Variants in RNF216 observed in about 807,000 individuals in gnomAD.
RNF216 encodes the protein ring finger protein 216.
RNF216 carries 72 observed loss-of-function variants against 110.8 expected under a neutral mutation model. The ratio of observed to expected loss-of-function variants is 0.65; its 90% CI spans 0.54 to 0.79. The LOEUF (loss-of-function observed/expected upper bound fraction) is 0.79, where lower values mean the gene tolerates loss of function less well. RNF216 is among the 30% of genes least tolerant of loss of function. The pLI is 0.00. For missense variants in RNF216, 1,342 were observed against 1,141.2 expected (o/e 1.18, Z -2.54); for synonymous variants, 495 against 407.5 (o/e 1.21, Z -2.59).
intron 1 of RNF216, among the ~76,000 whole-genome samples, chr7:5,762,764 C>G (rs1296109549): frequency 6.6e-6 from 1 of 152,004 alleles, no homozygotes; most frequent in Non-Finnish European, 1.5e-5. Context: ...AACTTCAGGA[C>G]AGTGACTATT....
rs113623972 is a variant in RNF216 at position 5,676,258 on chromosome 7, C to T, written c.2062-23748G>A. ...AACTCCTGGTCTCAAGTGATCGGCC[C>T]GCCTTGGCCTCCCAAAGTGGGAGGC... is the stretch of plus-strand genomic sequence containing the variant. On this transcript the variant is annotated intron_variant, in intron 13 of 16. Coordinates refer to ENST00000389902, the MANE Select transcript of RNF216 (RefSeq NM_207111.4). Among the ~76,000 whole-genome samples the T allele has an allele frequency of 5.9e-3, 896 of 152,190 alleles. 12 individuals are homozygous for T. Among genetic ancestry groups the T allele is most frequent in the African/African-American group, 0.02 (848 of 41,504 alleles).
chr7:5,711,902 C>A, intron 12 of RNF216, 63 bp from the exon 13 acceptor site: 1 of 1,425,976 alleles, frequency 7.0e-7, no homozygotes, highest in South Asian at 1.2e-5. Context: ...GGTTCCAGCT[C>A]CATGTGGCTG....
At chr7:5,732,768 A>G (rs1794167278) in intron 5 of RNF216, among the ~76,000 whole-genome samples, 2 of 152,216 alleles carry the variant, frequency 1.3e-5, no homozygotes, top group African/African-American at 4.8e-5. Context: ...AGCCTGTCGG[A>G]CTTCAATCTG....
chr7:5,753,472 T>C (rs981169028), intron 2 of RNF216, among the ~76,000 whole-genome samples: 1 of 152,240 alleles, frequency 6.6e-6, no homozygotes, highest in Non-Finnish European at 1.5e-5. Flanking sequence ...GTCAATGCTT[T>C]AGTCAAGCAC....
At position 5,632,651 on chromosome 7, in the gene RNF216, C is replaced by G. The variant is rs902014380; in HGVS notation, c.2382+8503G>C. On this transcript the variant is annotated intron_variant, in intron 15 of 16. Transcript: ENST00000389902. Reference sequence around the variant, plus strand: ...AATTAGCCAGGCGTGGTGGTGGGTGCCTGTAATTCCAGCTACTTGGGAGGC... The same window carrying G: ...AATTAGCCAGGCGTGGTGGTGGGTGGCTGTAATTCCAGCTACTTGGGAGGC... Among the ~76,000 whole-genome samples the G allele has an allele frequency of 2.0e-5, 3 of 152,116 alleles. No homozygotes were observed. In the East Asian group the frequency reaches 5.8e-4, roughly 29 times the overall value.
At chr7:5,721,678 T>C (rs1433140594) in intron 8 of RNF216, among the ~76,000 whole-genome samples, 1 of 152,210 alleles carries the variant, frequency 6.6e-6, no homozygotes, top group Non-Finnish European at 1.5e-5. Flanking sequence ...AGTTCCAGTC[T>C]CTCCATGTCC....
At chr7:5,781,260 G>A (rs910481641) in intron 1 of RNF216, among the ~76,000 whole-genome samples, 1 of 152,126 alleles carries the variant, frequency 6.6e-6, no homozygotes, top group African/African-American at 2.4e-5. Context: ...CAGACCCGAG[G>A]GGCCGGCCCG....
At chr7:5,637,861 T>C (rs767861847) in intron 15 of RNF216, among the ~76,000 whole-genome samples, 6 of 152,230 alleles carry the variant, frequency 3.9e-5, no homozygotes, top group African/African-American at 9.6e-5. Context: ...TTTCTTTTTC[T>C]TTAAGATCAA....
At chr7:5,765,402 T>C (rs1040230328) in intron 1 of RNF216, among the ~76,000 whole-genome samples, 1 of 151,876 alleles carries the variant, frequency 6.6e-6, no homozygotes, top group Non-Finnish European at 1.5e-5. Flanking sequence ...AGGTGGAGGT[T>C]GCAGTGAGCT....
At chr7:5,703,007 C>G (rs567310893) in intron 13 of RNF216, among the ~76,000 whole-genome samples, 3 of 152,306 alleles carry the variant, frequency 2.0e-5, no homozygotes, top group African/African-American at 7.2e-5. Context: ...GAGCGTCCTT[C>G]TGCGGCCTGA....
At chr7:5,638,515 C>T (rs551969822) in intron 15 of RNF216, among the ~76,000 whole-genome samples, 42 of 152,196 alleles carry the variant, frequency 2.8e-4, no homozygotes, top group Non-Finnish European at 5.9e-4. Context: ...TAGCAGATGC[C>T]AACAAATCTG....
intron 3 of RNF216, among the ~76,000 whole-genome samples, chr7:5,748,112 A>G (rs1187474894): frequency 6.6e-6 from 1 of 152,236 alleles, no homozygotes; most frequent in Admixed American, 6.5e-5. Context: ...ACTCTGATTT[A>G]CAACCCAGAA....
intron 13 of RNF216, among the ~76,000 whole-genome samples, chr7:5,669,911 G>A (rs1394097368): frequency 1.3e-5 from 2 of 151,780 alleles, no homozygotes; most frequent in African/African-American, 4.8e-5. Context: ...GTGAGATTGT[G>A]GATGGTGCGT....
intron 13 of RNF216, among the ~76,000 whole-genome samples, chr7:5,684,927 T>C (rs558502679): frequency 5.7e-4 from 86 of 152,054 alleles, no homozygotes; most frequent in African/African-American, 1.9e-3. Context: ...GGTGGGGTGT[T>C]AGTCTGTAGC....
intron 15 of RNF216, among the ~76,000 whole-genome samples, chr7:5,630,322 A>G (rs947186412): frequency 2.6e-5 from 4 of 151,976 alleles, no homozygotes; most frequent in Non-Finnish European, 5.9e-5. Context: ...TACCCCCACT[A>G]CCTAACCTGG....
chr7:5,634,383 G>C (rs973296893), intron 15 of RNF216, among the ~76,000 whole-genome samples: 1 of 152,178 alleles, frequency 6.6e-6, no homozygotes, highest in Non-Finnish European at 1.5e-5. Flanking sequence ...TTTCATGAGA[G>C]GCTTCCAAAG....
intron 13 of RNF216, among the ~76,000 whole-genome samples, chr7:5,709,875 C>A (rs1256820581): frequency 1.3e-5 from 2 of 152,186 alleles, no homozygotes; most frequent in African/African-American, 4.8e-5. Context: ...CTGCCTCAGT[C>A]TCTTAAGTAG....
At chr7:5,748,635 C>T (rs1044906566) in intron 3 of RNF216, among the ~76,000 whole-genome samples, 1 of 151,556 alleles carries the variant, frequency 6.6e-6, no homozygotes, top group Non-Finnish European at 1.5e-5. Context: ...CACACACACA[C>T]ACACACACAC....
chr7:5,766,223 G>C (rs1796201095), intron 1 of RNF216, among the ~76,000 whole-genome samples: 2 of 152,122 alleles, frequency 1.3e-5, no homozygotes, highest in African/African-American at 4.8e-5. Flanking sequence ...CCAGGAGTTT[G>C]ATGTTGCAGT....
Sources: allele counts gnomAD v4.1 joint callset (sites outside exome capture counted in the v4.1 genomes callset), GRCh38; gene constraint gnomAD v4.1.1; transcripts MANE v1.5; gene names NCBI Gene and HGNC (gene_info 2026-07-23, HGNC 2026-07-21).